The following CHD9 variants were observed in gnomAD, a reference collection of about 807,000 sequenced individuals.
CHD9 encodes ATP-dependent chromatin remodeler CHD9.
Under a neutral mutation model 316.1 loss-of-function variants are expected in CHD9, and 77 were observed. The observed-to-expected ratio is 0.24, with a 90% confidence interval of 0.20 to 0.29. The LOEUF is 0.29. Among genes scored for constraint, CHD9 ranks in the 10% least tolerant of loss-of-function variants. CHD9 has a pLI of 1.00. For missense variants in CHD9, 2,763 were observed against 3,438.1 expected (o/e 0.80, Z 4.91); for synonymous variants, 1,129 against 1,158.3 (o/e 0.97, Z 0.51).
intron 2 of CHD9, among the ~76,000 whole-genome samples, chr16:53,189,179 T>G (rs1445178973): frequency 6.6e-6 from 1 of 152,152 alleles, no homozygotes; most frequent in Non-Finnish European, 1.5e-5. Flanking sequence ...TTGCCCTGAC[T>G]AGAATTTTCA....
intron 2 of CHD9, among the ~76,000 whole-genome samples, chr16:53,188,752 G>A (rs1356758840): frequency 2.0e-5 from 3 of 151,194 alleles, no homozygotes; most frequent in African/African-American, 4.9e-5. Flanking sequence ...TTGCCACCAC[G>A]CCTGGCTAAT....
intron 1 of CHD9, among the ~76,000 whole-genome samples, chr16:53,142,549 C>T (rs1256297746): frequency 6.6e-6 from 1 of 152,198 alleles, no homozygotes; most frequent in Non-Finnish European, 1.5e-5. Context: ...TCAAGCAATC[C>T]TCCCACCTCA....
At chr16:53,227,728 C>G in intron 7 of CHD9, 125 bp downstream of exon 7, 1 of 250,072 alleles carries the variant, frequency 4.0e-6, no homozygotes, top group Non-Finnish European at 7.3e-6. Flanking sequence ...ATTATTTATA[C>G]CTGCATAACT....
chr16:53,199,243 G>A lies in CHD9; in HGVS notation c.1453-10239G>A, dbSNP rs188773350. ...GGAATCTCCAAAATAGGACAGATGA[G>A]AGTTACTGTGCCTAGCCCCATAGAT... On this transcript the variant is annotated intron_variant, in intron 2 of 38. Coordinates refer to ENST00000447540, the MANE Select transcript of CHD9 (RefSeq NM_001308319.2). Among the ~76,000 whole-genome samples, 458 of 152,168 alleles carry A rather than the reference G, an allele frequency of 3.0e-3. 4 individuals are homozygous for A. Among genetic ancestry groups the A allele is most frequent in the African/African-American group, 0.01 (432 of 41,524 alleles).
chr16:53,318,267 C>G lies in CHD9; in HGVS notation c.7640C>G (p.Pro2547Arg). 1 of 1,612,762 alleles carries G rather than the reference C, an allele frequency of 6.2e-7. No homozygotes were observed. Among genetic ancestry groups the G allele is most frequent in the Non-Finnish European group, 8.5e-7 (1 of 1,179,190 alleles). ...PKQKRHRCRN[P>R]NKLDVNSLTG... ...CAAAAAAGACACCGTTGCAGAAACC[C>G]CAATAAACTAGATGTGAATAGTCTC... is the stretch of plus-strand genomic sequence containing the variant. The change falls in exon 37 of 39, where the codon CCC becomes CGC. Residue 2547 changes from proline to arginine, a missense_variant. Physicochemically the swap from Pro to Arg is moderately radical, Grantham distance 103 (BLOSUM62 -2). Transcript: ENST00000447540.
intron 2 of CHD9, among the ~76,000 whole-genome samples, chr16:53,171,865 C>CACACACACACACACACACACACACACAG (rs2042771684): frequency 2.8e-5 from 1 of 35,110 alleles, no homozygotes. Flanking sequence ...CACACAGACA[C>CACACACACACACACACACACACACACAG]ACACACACAC....
At chr16:53,272,212 G>C (rs1331697339) in intron 22 of CHD9, among the ~76,000 whole-genome samples, 2 of 150,942 alleles carry the variant, frequency 1.3e-5, no homozygotes, top group Non-Finnish European at 3.0e-5. Context: ...ATAGAACAAA[G>C]TGAATTTAAG....
chr16:53,090,726 G>T (rs1001869675), intron 1 of CHD9, among the ~76,000 whole-genome samples: 3 of 152,152 alleles, frequency 2.0e-5, no homozygotes, highest in African/African-American at 4.8e-5. Flanking sequence ...ATGTGGGTGT[G>T]CGGTGGCTTT....
At chr16:53,113,779 C>T (rs1228060238) in intron 1 of CHD9, among the ~76,000 whole-genome samples, 1 of 152,076 alleles carries the variant, frequency 6.6e-6, no homozygotes, top group Non-Finnish European at 1.5e-5. Flanking sequence ...TAGCTCACTG[C>T]AGCCTCAAAC....
chr16:53,252,741 A>G (rs1178457841), intron 17 of CHD9, among the ~76,000 whole-genome samples: 2 of 152,100 alleles, frequency 1.3e-5, no homozygotes, highest in Non-Finnish European at 2.9e-5. Context: ...GGCTAAGGAC[A>G]TGAATAGACA....
intron 4 of CHD9, among the ~76,000 whole-genome samples, chr16:53,224,129 A>G (rs1653038038): frequency 6.6e-6 from 1 of 152,182 alleles, no homozygotes; most frequent in African/African-American, 2.4e-5. Context: ...TCCTATGTAA[A>G]GTGCTGTGGG....
At chr16:53,172,212 C>T (rs926367677) in intron 2 of CHD9, among the ~76,000 whole-genome samples, 1 of 152,050 alleles carries the variant, frequency 6.6e-6, no homozygotes, top group African/African-American at 2.4e-5. Flanking sequence ...CTTCGCGCAC[C>T]CAGACAACCA....
intron 1 of CHD9, among the ~76,000 whole-genome samples, chr16:53,147,933 G>T (rs2040765496): frequency 6.6e-6 from 1 of 152,122 alleles, no homozygotes; most frequent in Non-Finnish European, 1.5e-5. Flanking sequence ...GCCAGGCGCG[G>T]TGGCCCATGG....
rs914130931 is a variant in CHD9, at chr16:53,157,643, G to C, written c.1452+102G>C. On this transcript the variant is annotated intron_variant, in intron 2 of 38. Coordinates refer to ENST00000447540, the MANE Select transcript of CHD9 (RefSeq NM_001308319.2). ...AACATAGTCAAGATTTCTCAAACTT[G>C]GTAATTCCATTAAGTGAACATACAT... The C allele has an allele frequency of 5.3e-6, 6 of 1,126,030 alleles. No individual in the cohort carries two copies. In the Admixed American group the frequency reaches 1.1e-4, roughly 20 times the overall value. 69.8% of individuals were successfully genotyped at this position (1,126,030 alleles called of 1,614,324 possible).
In CHD9 at chr16:53,227,429, G is replaced by T. The variant is rs928279147; in HGVS notation, c.2077G>T (p.Asp693Tyr). The T allele has an allele frequency of 1.3e-6, 2 of 1,570,954 alleles. No individual in the cohort carries two copies. The highest frequency in any genetic ancestry group is 3.7e-5 in the Admixed American group (2 of 53,400). ...NPSEEDAAIV[D>Y]KILSSRTVKK... The stretch of plus-strand genomic sequence containing the variant: ...GAGTGAAGAAGATGCTGCAATTGTA[G>T]ACAAAATTCTATCTTCTAGAACCGT... The change falls in exon 6 of 39, where the codon GAC becomes TAC. Residue 693 changes from aspartate (D) to tyrosine (Y), a missense_variant. Asp to Tyr is a radical substitution (Grantham distance 160). Around this residue, in one of 15 missense-constraint regions of CHD9, gnomAD observed 859 missense variants for 890.4 expected, o/e 0.96. Coordinates refer to ENST00000447540, the MANE Select transcript of CHD9 (RefSeq NM_001308319.2).
intron 3 of CHD9, among the ~76,000 whole-genome samples, chr16:53,220,021 G>T (rs1379916704): frequency 6.6e-6 from 1 of 152,144 alleles, no homozygotes; most frequent in Non-Finnish European, 1.5e-5. Context: ...AGGTCATATG[G>T]GGTCTAACAG....
Position 53,289,205 on chromosome 16 carries a change from CAAGAT to C in CHD9, c.5247+1193_5247+1197del, listed in dbSNP as rs2054128809. Among the ~76,000 whole-genome samples the C allele has an allele frequency of 2.6e-5, 4 of 151,930 alleles. No individual in the cohort carries two copies. The South Asian group carries it at 8.3e-4, about 32-fold the overall frequency. On this transcript the variant is annotated intron_variant, in intron 27 of 38. Transcript: ENST00000447540. ...TAAAGAAAGAACCAGGAACAAAAGA[CAAGAT>C]ATGATTTTAAAATACTAGAAAGATG...
chr16:53,136,720 C>T (rs1043801675), intron 1 of CHD9, among the ~76,000 whole-genome samples: 5 of 152,044 alleles, frequency 3.3e-5, no homozygotes, highest in African/African-American at 1.2e-4. Context: ...ACTACATATT[C>T]CAATATATGA....
intron 2 of CHD9, among the ~76,000 whole-genome samples, chr16:53,186,951 G>C (rs577101213): frequency 6.6e-6 from 1 of 152,216 alleles, no homozygotes; most frequent in South Asian, 2.1e-4. Context: ...CCAGTGTCAG[G>C]CAGTTCTTTA....
Sources: gnomAD v4.1 joint callset for allele counts (sites outside exome capture counted in the v4.1 genomes callset) on GRCh38, gnomAD v4.1.1 for gene constraint, gnomAD v4.1.1 regional missense constraint, MANE v1.5 for transcripts, NCBI Gene and HGNC (gene_info 2026-07-23, HGNC 2026-07-21) for gene names.